Variants in CLPB observed in about 807,000 individuals in gnomAD.
CLPB encodes ClpB family mitochondrial disaggregase, also known as mitochondrial disaggregase.
CLPB carries 40 observed loss-of-function variants against 78.4 expected under a neutral mutation model. The observed-to-expected ratio is 0.51, with a 90% CI of 0.40 to 0.66. The LOEUF (loss-of-function observed/expected upper bound fraction) is 0.66. Among genes scored for constraint, CLPB ranks in the 30% least tolerant of loss-of-function variants. The probability of loss-of-function intolerance (pLI) is 0.00; values close to 1 mark genes in which losing one functional copy is unlikely to be tolerated. For synonymous variants in CLPB, 333 were observed against 348.0 expected, an observed-to-expected ratio of 0.96 and a Z score of 0.48; for missense variants, 780 against 886.9, an observed-to-expected ratio of 0.88 and a Z score of 1.53.
At chr11:72,363,214 G>A (rs1290100224) in intron 4 of CLPB, among the ~76,000 whole-genome samples, 1 of 151,716 alleles carries the variant, frequency 6.6e-6, no homozygotes, top group Non-Finnish European at 1.5e-5. Context: ...GGGAGGGGAC[G>A]GAGGGAAGGA....
intron 4 of CLPB, among the ~76,000 whole-genome samples, chr11:72,362,423 A>G (rs1431939126): frequency 6.6e-6 from 1 of 152,234 alleles, no homozygotes; most frequent in Non-Finnish European, 1.5e-5. Context: ...TATGTGCTTG[A>G]CAAATACTTG....
chr11:72,302,598 G>A, intron 9 of CLPB: 1 of 470,202 alleles, frequency 2.1e-6, no homozygotes, highest in Non-Finnish European at 3.9e-6. Context: ...CTGACTTGGG[G>A]TGTCTTCTTT....
intron 5 of CLPB, among the ~76,000 whole-genome samples, chr11:72,352,101 C>G (rs1285101640): frequency 1.3e-5 from 2 of 152,104 alleles, no homozygotes; most frequent in African/African-American, 4.8e-5. Flanking sequence ...TTAGTTTTCT[C>G]TATTTTGGAA....
chr11:72,313,273 T>C (rs1299904770), intron 7 of CLPB, among the ~76,000 whole-genome samples: 1 of 152,206 alleles, frequency 6.6e-6, no homozygotes. Flanking sequence ...TCAAGGAACA[T>C]GGTAAGTACT....
Position 72,312,447 on chromosome 11 carries a change from G to A in CLPB, c.989-3843C>T, listed in dbSNP as rs1949864223. 6.6e-6 allele frequency among the ~76,000 whole-genome samples: 1 copy of A among 152,152 alleles called. No homozygotes were observed. Among genetic ancestry groups the A allele is most frequent in the African/African-American group, 2.4e-5 (1 of 41,430 alleles). ...CTGTGCCCTTGTGTCTGGCAGGGAG[G>A]GTGTGCCCCCAATCTGACCATATTC... On this transcript the variant is annotated intron_variant, in intron 7 of 15. Transcript: ENST00000538039. This position sits in a 1 kb window ranked among gnomAD's most constrained non-coding sequence, Gnocchi z 4.2.
intron 5 of CLPB, among the ~76,000 whole-genome samples, chr11:72,347,025 A>C (rs1950529495): frequency 6.6e-6 from 1 of 151,184 alleles, no homozygotes; most frequent in Admixed American, 6.6e-5. Flanking sequence ...AGTACCCATG[A>C]ACACATTTTG....
chr11:72,353,980 C>T (rs1950660771), intron 5 of CLPB, among the ~76,000 whole-genome samples: 1 of 152,016 alleles, frequency 6.6e-6, no homozygotes. Context: ...TTAATAATAA[C>T]AGAGACTATA....
chr11:72,390,164 G>A (rs762916545), intron 3 of CLPB, among the ~76,000 whole-genome samples: 5 of 152,112 alleles, frequency 3.3e-5, no homozygotes, highest in Middle Eastern at 3.4e-3. Context: ...CATGCCAGGC[G>A]CAGTGGCTCA....
chr11:72,383,113 G>A (rs1292886766), intron 3 of CLPB, among the ~76,000 whole-genome samples: 1 of 151,436 alleles, frequency 6.6e-6, no homozygotes, highest in African/African-American at 2.4e-5. Flanking sequence ...TGATCAAGCA[G>A]AAGACAGAAT....
chr11:72,401,490 G>T (rs1855560105), intron 3 of CLPB, among the ~76,000 whole-genome samples: 1 of 152,054 alleles, frequency 6.6e-6, no homozygotes, highest in African/African-American at 2.4e-5. Context: ...AAGAATAGGT[G>T]CTTGGAGCTA....
intron 5 of CLPB, among the ~76,000 whole-genome samples, chr11:72,341,935 G>A (rs1321925839): frequency 6.6e-6 from 1 of 152,182 alleles, no homozygotes. Context: ...GGAAGAACAA[G>A]GCTGTTATAA....
intron 2 of CLPB, among the ~76,000 whole-genome samples, chr11:72,416,478 G>A (rs1349823521): frequency 6.6e-6 from 1 of 152,106 alleles, no homozygotes; most frequent in Non-Finnish European, 1.5e-5. Flanking sequence ...GCTCACACCT[G>A]TAATCTCAGC....
chr11:72,375,384 G>A (rs1052622619), intron 4 of CLPB, among the ~76,000 whole-genome samples: 4 of 152,070 alleles, frequency 2.6e-5, no homozygotes, highest in South Asian at 2.1e-4. Flanking sequence ...TTCACTCTCC[G>A]GCCTTATTTC....
intron 3 of CLPB, among the ~76,000 whole-genome samples, chr11:72,395,411 G>A (rs1236706599): frequency 6.6e-6 from 1 of 152,120 alleles, no homozygotes; most frequent in Non-Finnish European, 1.5e-5. Flanking sequence ...CAAGGGTTTG[G>A]GGTTCAGAAA....
intron 7 of CLPB, among the ~76,000 whole-genome samples, chr11:72,314,719 T>G (rs1201961015): frequency 6.6e-6 from 1 of 150,656 alleles, no homozygotes; most frequent in East Asian, 2.0e-4. Context: ...AACCAGCCAG[T>G]GTGTCGGCAA....
At chr11:72,420,047 A>ATT (rs1385620026) in intron 2 of CLPB, among the ~76,000 whole-genome samples, 2 of 152,162 alleles carry the variant, frequency 1.3e-5, no homozygotes, top group Non-Finnish European at 2.9e-5. Context: ...AATTTTTATC[A>ATT]TTTACAAAAC....
At chr11:72,294,545 A>G in intron 13 of CLPB, 75 bp downstream of exon 13, 1 of 1,608,762 alleles carries the variant, frequency 6.2e-7, no homozygotes, top group South Asian at 1.1e-5. Context: ...TGGGGCTTCC[A>G]GATCTTTAGG....
chr11:72,305,484 C>G (rs1949731064), intron 9 of CLPB, among the ~76,000 whole-genome samples: 1 of 152,218 alleles, frequency 6.6e-6, no homozygotes, highest in Non-Finnish European at 1.5e-5. Flanking sequence ...TGATGCTCAC[C>G]ATAACCTAAG....
At chr11:72,398,067 C>T (rs559743340) in intron 3 of CLPB, among the ~76,000 whole-genome samples, 1 of 152,332 alleles carries the variant, frequency 6.6e-6, no homozygotes, top group East Asian at 1.9e-4. Flanking sequence ...AGGCTCTGCA[C>T]CTCCCAAAGC....
Sources: allele counts gnomAD v4.1 joint callset (sites outside exome capture counted in the v4.1 genomes callset), GRCh38; gene constraint gnomAD v4.1.1; non-coding constraint Gnocchi (gnomAD v3.1); transcripts MANE v1.5; gene names NCBI Gene and HGNC (gene_info 2026-07-23, HGNC 2026-07-21).